Variants in PPFIA1 observed in about 807,000 individuals in gnomAD.
PPFIA1 encodes the protein liprin-alpha-1.
Under a neutral mutation model 149.9 loss-of-function variants are expected in PPFIA1, and 25 were observed. That is an observed-to-expected ratio of 0.17 (90% CI 0.12 to 0.23). PPFIA1 has a LOEUF of 0.23. Ranked by LOEUF, PPFIA1 falls within the 10% of genes least tolerant of loss-of-function variation. The probability of loss-of-function intolerance (pLI) is 1.00; values close to 1 mark genes in which losing one functional copy is unlikely to be tolerated. For missense variants in PPFIA1, 1,362 were observed against 1,506.5 expected (o/e 0.90, Z 1.59); for synonymous variants, 549 against 552.8 (o/e 0.99, Z 0.10).
Position 70,283,737 on chromosome 11 carries a change from G to C in PPFIA1, c.264+11301G>C, listed in dbSNP as rs116550247. 1.7e-3 allele frequency among the ~76,000 whole-genome samples: 260 copies of C among 150,818 alleles called. 2 individuals are homozygous for C. The highest frequency in any genetic ancestry group is 6.1e-3 in the African/African-American group (250 of 40,952). ...TGTAGGACTAGAGGATGACAGCCGA[G>C]TGGCAGATACCAGGGTCAAGCTTGC... is the stretch of plus-strand genomic sequence containing the variant. On this transcript the variant is annotated intron_variant, in intron 2 of 27. Coordinates refer to ENST00000253925, the MANE Select transcript of PPFIA1 (RefSeq NM_003626.5).
chr11:70,348,734 G>C (rs980880690), intron 16 of PPFIA1, among the ~76,000 whole-genome samples: 3 of 152,042 alleles, frequency 2.0e-5, no homozygotes, highest in African/African-American at 7.2e-5. Flanking sequence ...AGCTGGGCCT[G>C]GTGGTGTGTG....
At chr11:70,279,227 G>T in intron 2 of PPFIA1, 1 of 360,060 alleles carries the variant, frequency 2.8e-6, no homozygotes, top group Non-Finnish European at 5.2e-6. Flanking sequence ...ACTGCAAATT[G>T]GCTCTCTTGT....
chr11:70,274,673 T>A (rs1371838681), intron 2 of PPFIA1, among the ~76,000 whole-genome samples: 1 of 152,210 alleles, frequency 6.6e-6, no homozygotes, highest in Non-Finnish European at 1.5e-5. Context: ...TTTCCAGTTT[T>A]TACACGTGCT....
chr11:70,307,234 A>G (rs1177436876), intron 2 of PPFIA1, among the ~76,000 whole-genome samples: 1 of 152,200 alleles, frequency 6.6e-6, no homozygotes, highest in Non-Finnish European at 1.5e-5. Flanking sequence ...ACTGGTATAG[A>G]TGCACAGGTA....
At chr11:70,355,839 G>A (rs755813850) in intron 18 of PPFIA1, 28 bp downstream of exon 18, 1 of 1,588,282 alleles carries the variant, frequency 6.3e-7, no homozygotes, top group Non-Finnish European at 8.6e-7. Context: ...ACCCTTCTCA[G>A]CACCCAGGGG....
intron 19 of PPFIA1, among the ~76,000 whole-genome samples, chr11:70,361,848 C>G (rs1027269406): frequency 6.6e-6 from 1 of 150,380 alleles, no homozygotes; most frequent in African/African-American, 2.5e-5. Context: ...TGCTCTTGAA[C>G]TACTGGCCTC....
chr11:70,304,620 A>T (rs537757712), intron 2 of PPFIA1, among the ~76,000 whole-genome samples: 1 of 152,286 alleles, frequency 6.6e-6, no homozygotes, highest in Non-Finnish European at 1.5e-5. Context: ...ACAACCTGGG[A>T]CTTGTACTTG....
intron 26 of PPFIA1, among the ~76,000 whole-genome samples, chr11:70,380,868 C>G (rs984201840): frequency 2.6e-4 from 40 of 152,200 alleles, no homozygotes; most frequent in African/African-American, 9.6e-4. Context: ...GGGTCTCACT[C>G]TGTTGCCCAG....
At position 70,324,939 on chromosome 11, in the gene PPFIA1, C is replaced by A. The variant is rs148677249; in HGVS notation, c.459C>A (p.Gly153=). The A allele has an allele frequency of 5.9e-5, 95 of 1,613,924 alleles. No homozygotes were observed. The highest frequency in any genetic ancestry group is 8.0e-5 in the Non-Finnish European group (94 of 1,179,996). The change falls in exon 4 of 28, where the codon GGC becomes GGA. Residue 153 remains glycine, a synonymous_variant. Transcript: ENST00000253925. The part of the protein sequence containing the change: ...VVKRQAQSPA[G]VSSEVEVLKA... ...AGAGACAAGCGCAGTCTCCAGCAGG[C>A]GTGTCCAGCGAAGTGGAAGTGCTGA...
At chr11:70,295,535 C>G (rs1192724368) in intron 2 of PPFIA1, among the ~76,000 whole-genome samples, 2 of 119,044 alleles carry the variant, frequency 1.7e-5, no homozygotes, top group South Asian at 2.7e-4. Flanking sequence ...CCCTCCCGGA[C>G]GGGGCGGCTG....
intron 21 of PPFIA1, 114 bp from the exon 22 acceptor site, chr11:70,372,101 C>A (rs2057294507): frequency 2.2e-6 from 2 of 890,686 alleles, no homozygotes; most frequent in Admixed American, 3.5e-5. Flanking sequence ...ATAAAATTAT[C>A]ATTAGTTTAG....
rs1266734688 is a variant in PPFIA1 at position 70,272,068 on chromosome 11, A to G, written c.1-105A>G. 9 of 1,259,954 alleles carry G rather than the reference A, an allele frequency of 7.1e-6. No homozygotes were observed. In the African/African-American group the frequency reaches 1.4e-4, roughly 19 times the overall value. The allele number at this position is 1,259,954 out of a possible 1,614,324, so 78.0% of individuals were successfully genotyped here. ...CACAAAGCATAACAGATCTGAGCAT[A>G]ATGAGACTGCCCATCTTTTTAGCTA... On this transcript the variant is annotated intron_variant, in intron 1 of 27. Coordinates refer to ENST00000253925, the MANE Select transcript of PPFIA1 (RefSeq NM_003626.5).
rs1413942333 is a variant in PPFIA1, at chr11:70,348,337, C to T, written c.2080C>T (p.Pro694Ser). ...TGCTTCCTCGCTTGCTAGCTCCTCC[C>T]CTCCGGGCAGTGGGCGCTCCACCCC... ...YPASSLASSSPPGSGRSTPRR... is the reference protein window; with the variant it reads ...YPASSLASSSSPGSGRSTPRR... Residue 694 changes from proline (P) to serine (S), a missense_variant, in exon 16 of 28, where the codon CCT becomes TCT. By Grantham distance (74) the Pro-to-Ser change is moderately conservative. Around this residue, in one of 7 missense-constraint regions of PPFIA1, gnomAD observed 733 missense variants for 744.1 expected, o/e 0.99. Transcript: ENST00000253925. 4 of 1,614,156 alleles carry T rather than the reference C, an allele frequency of 2.5e-6. No homozygotes were observed. Among genetic ancestry groups the T allele is most frequent in the Non-Finnish European group, 2.5e-6 (3 of 1,180,018 alleles).
At position 70,332,004 on chromosome 11, in the gene PPFIA1, A is replaced by G. The variant is rs749886519; in HGVS notation, c.1122A>G (p.Ala374=). The change falls in exon 9 of 28, where the codon GCA becomes GCG. Residue 374 remains alanine, a synonymous_variant. Transcript: ENST00000253925. ...AGTTACAGGAGCGCTTGGAATTGGC[A>G]GAGCAAAAGCTGCAACAGACACTGA... ...NRQLQERLEL[A]EQKLQQTLRK... 3 of 1,613,300 alleles carry G rather than the reference A, an allele frequency of 1.9e-6. No homozygotes were observed. The highest frequency in any genetic ancestry group is 2.5e-6 in the Non-Finnish European group (3 of 1,179,718).
chr11:70,319,042 C>CTT (rs1213027035), intron 2 of PPFIA1, among the ~76,000 whole-genome samples: 3 of 152,358 alleles, frequency 2.0e-5, no homozygotes, highest in African/African-American at 4.8e-5. Context: ...GCTCAACTGT[C>CTT]TAATAACCAT....
intron 26 of PPFIA1, among the ~76,000 whole-genome samples, chr11:70,379,407 G>A (rs1331632280): frequency 6.6e-6 from 1 of 151,648 alleles, no homozygotes; most frequent in Non-Finnish European, 1.5e-5. Flanking sequence ...GCAGTGAGCC[G>A]AGATTGTGCC....
chr11:70,271,793 T>A (rs2050108223), intron 1 of PPFIA1: 1 of 142,758 alleles, frequency 7.0e-6, no homozygotes, highest in Non-Finnish European at 1.5e-5. Context: ...TTTGACTTTC[T>A]CCCCCCCTAC....
intron 27 of PPFIA1, among the ~76,000 whole-genome samples, chr11:70,382,788 A>T (rs886161169): frequency 6.6e-6 from 1 of 151,604 alleles, no homozygotes; most frequent in African/African-American, 2.4e-5. Flanking sequence ...GACGTAAGCC[A>T]AAATGAAGTC....
At chr11:70,302,358 A>G (rs2052543008) in intron 2 of PPFIA1, among the ~76,000 whole-genome samples, 2 of 152,166 alleles carry the variant, frequency 1.3e-5, no homozygotes, top group African/African-American at 4.8e-5. Flanking sequence ...CAGGAAAGGC[A>G]TGGAGGGCTG....
Sources: gnomAD v4.1 joint callset for allele counts (sites outside exome capture counted in the v4.1 genomes callset) on GRCh38, gnomAD v4.1.1 for gene constraint, gnomAD v4.1.1 regional missense constraint, MANE v1.5 for transcripts, NCBI Gene and HGNC (gene_info 2026-07-23, HGNC 2026-07-21) for gene names.